Variants in MGST1 observed in about 807,000 individuals in gnomAD.
The protein encoded by MGST1 is microsomal glutathione S-transferase 1.
A neutral mutation model predicts 8.9 loss-of-function variants in MGST1; 5 were observed. The ratio of observed to expected loss-of-function variants is 0.56; its 90% confidence interval spans 0.29 to 1.19. The LOEUF is 1.19. MGST1 is among the 50% of genes most tolerant of loss of function. The probability of loss-of-function intolerance (pLI) is 0.08; values close to 1 mark genes in which losing one functional copy is unlikely to be tolerated. For synonymous variants in MGST1, 54 were observed against 67.8 expected (o/e 0.80, Z 1.00); for missense variants, 182 against 187.4 (o/e 0.97, Z 0.17).
At chr12:16,449,725 A>G (rs908989096) in intron 4 of MGST1, among the ~76,000 whole-genome samples, 3 of 151,948 alleles carry the variant, frequency 2.0e-5, no homozygotes, top group Admixed American at 6.6e-5. Flanking sequence ...GCCCCAAAAG[A>G]ACCATATAAT....
At position 16,410,745 on chromosome 12, in the gene MGST1, T is replaced by G. The variant is rs1940735830; in HGVS notation, n.779-26643T>G. Among the ~76,000 whole-genome samples the G allele has an allele frequency of 6.7e-6, 1 of 149,948 alleles. No homozygotes were observed. The highest frequency in any genetic ancestry group is 1.5e-5 in the Non-Finnish European group (1 of 67,584). On this transcript the variant is annotated intron_variant and non_coding_transcript_variant, in intron 1 of 1. Transcript: ENST00000359720. The surrounding 1 kb of genome is among the most constrained non-coding windows in gnomAD (Gnocchi z 4.4). ...TTCAAATATACTCAAATGTATATGT[T>G]TGATTATATATATATTTGATTATGT...
chr12:16,559,470 C>A lies in MGST1; in HGVS notation n.483-30058C>A, dbSNP rs1349769312. Among the ~76,000 whole-genome samples, 1 of 152,142 alleles carries A rather than the reference C, an allele frequency of 6.6e-6. No homozygotes were observed. On this transcript the variant is annotated intron_variant and non_coding_transcript_variant, in intron 4 of 4. Coordinates refer to the MGST1 transcript ENST00000538857. The surrounding 1 kb of genome is among the most constrained non-coding windows in gnomAD (Gnocchi z 4.1). ...GGAAGGTGTTTGTTTGGTTTAAGATCGCACAGCTTATTAGTGGCAGAGCCC... is the reference window on the plus strand; with the variant it reads ...GGAAGGTGTTTGTTTGGTTTAAGATAGCACAGCTTATTAGTGGCAGAGCCC...
At chr12:16,460,970 G>A (rs1214215146) in intron 4 of MGST1, among the ~76,000 whole-genome samples, 4 of 151,950 alleles carry the variant, frequency 2.6e-5, no homozygotes. Flanking sequence ...TTTTTGCAGA[G>A]TGGAAAAGGC....
At position 16,497,366 on chromosome 12, in the gene MGST1, G is replaced by A. The variant is rs1941477700; in HGVS notation, n.483-92162G>A. Among the ~76,000 whole-genome samples, 1 of 152,108 alleles carries A rather than the reference G, an allele frequency of 6.6e-6. No homozygotes were observed. Among genetic ancestry groups the A allele is most frequent in the Non-Finnish European group, 1.5e-5 (1 of 68,006 alleles). ...AATCAAGCAAAAACAAGCTAGGGAA[G>A]CAACAGCAGCAAATGGAAAAGGAGC... On this transcript the variant is annotated intron_variant and non_coding_transcript_variant, in intron 4 of 4. Coordinates refer to the MGST1 transcript ENST00000538857. The surrounding 1 kb of genome is among the most constrained non-coding windows in gnomAD (Gnocchi z 4.4).
chr12:16,374,840 T>C (rs1160227512), intron 3 of MGST1, among the ~76,000 whole-genome samples: 1 of 152,166 alleles, frequency 6.6e-6, no homozygotes, highest in Non-Finnish European at 1.5e-5. Flanking sequence ...TATACTCTTG[T>C]ATGTGTGTGA....
chr12:16,502,149 G>A (rs1046971831), intron 4 of MGST1, among the ~76,000 whole-genome samples: 3 of 152,124 alleles, frequency 2.0e-5, no homozygotes, highest in African/African-American at 4.8e-5. Context: ...AAAGACAAAT[G>A]ATGGCAAATA....
chr12:16,354,930 T>C (rs1391662094), intron 2 of MGST1, among the ~76,000 whole-genome samples: 1 of 124,470 alleles, frequency 8.0e-6, no homozygotes, highest in African/African-American at 2.8e-5. Context: ...TAAGAATGAC[T>C]TTTTTTTTTT....
chr12:16,373,816 A>G (rs1432907665), intron 3 of MGST1, among the ~76,000 whole-genome samples: 3 of 152,100 alleles, frequency 2.0e-5, no homozygotes, highest in Non-Finnish European at 4.4e-5. Flanking sequence ...TACATTCTAT[A>G]TGGCTTGGTA....
intron 4 of MGST1, among the ~76,000 whole-genome samples, chr12:16,511,055 A>G (rs1941573346): frequency 6.6e-6 from 1 of 152,222 alleles, no homozygotes; most frequent in African/African-American, 2.4e-5. Context: ...TACAAAGGCT[A>G]TGTTTGTATA....
At chr12:16,381,122 G>A (rs893769954), downstream of MGST1, among the ~76,000 whole-genome samples, 1 of 152,118 alleles carries the variant, frequency 6.6e-6, no homozygotes, top group African/African-American at 2.4e-5. Flanking sequence ...TTTAATTGGA[G>A]CATTTAGCCC....
intron 4 of MGST1, among the ~76,000 whole-genome samples, chr12:16,536,557 T>C (rs1178806317): frequency 6.6e-6 from 1 of 152,140 alleles, no homozygotes; most frequent in Non-Finnish European, 1.5e-5. Context: ...GAAATGACAA[T>C]GTATTTGTCC....
At chr12:16,535,586 T>C (rs576103931) in intron 4 of MGST1, among the ~76,000 whole-genome samples, 208 of 152,332 alleles carry the variant, frequency 1.4e-3, no homozygotes, top group African/African-American at 5.0e-3. Flanking sequence ...TTATGGTCTA[T>C]AGTGGAACCA....
intron 4 of MGST1, among the ~76,000 whole-genome samples, chr12:16,528,891 A>G (rs112125684): frequency 1.6e-4 from 24 of 152,140 alleles, no homozygotes; most frequent in African/African-American, 5.8e-4. Context: ...TTATCTGACA[A>G]CGGGCCAATT....
chr12:16,468,779 A>G (rs1408571719), intron 4 of MGST1, among the ~76,000 whole-genome samples: 2 of 152,220 alleles, frequency 1.3e-5, no homozygotes, highest in Non-Finnish European at 2.9e-5. Context: ...TTCCTATAGG[A>G]ATAGAAGCTC....
rs1405216064 is a variant in MGST1, at chr12:16,566,002, AT to A, written n.483-23525del. Among the ~76,000 whole-genome samples, 3 of 49,008 alleles carry A rather than the reference AT, an allele frequency of 6.1e-5. 1 individual carries two copies. Among genetic ancestry groups the A allele is most frequent in the Non-Finnish European group, 1.1e-4 (3 of 27,244 alleles). The allele number at this position is 49,008 out of a possible 152,430, so 32.2% of individuals were successfully genotyped here. ...ATGTGCCATATATATATATATATAT[AT>A]ATATATATATATATATATATATATA... On this transcript the variant is annotated intron_variant and non_coding_transcript_variant, in intron 4 of 4. Coordinates refer to the MGST1 transcript ENST00000538857.
rs1412946682 is a variant in MGST1, at chr12:16,588,814, T to A, written n.483-714T>A. ...CTTCATTATTAATCACTCTTAAACCTCTTCTTCAATCTTCTCCTCATGTTT... is the reference window on the plus strand; with the variant it reads ...CTTCATTATTAATCACTCTTAAACCACTTCTTCAATCTTCTCCTCATGTTT... On this transcript the variant is annotated intron_variant and non_coding_transcript_variant, in intron 4 of 4. Transcript: ENST00000538857. Among the ~76,000 whole-genome samples the A allele has an allele frequency of 2.0e-5, 3 of 152,098 alleles. No individual in the cohort carries two copies. In the East Asian group the frequency reaches 5.8e-4, roughly 29 times the overall value.
At chr12:16,419,692 G>A (rs1940817642) in intron 1 of MGST1, among the ~76,000 whole-genome samples, 1 of 152,146 alleles carries the variant, frequency 6.6e-6, no homozygotes, top group African/African-American at 2.4e-5. Flanking sequence ...TATCTTTCCA[G>A]TGATTTTAAA....
chr12:16,439,171 C>G (rs1464296236), downstream of MGST1, among the ~76,000 whole-genome samples: 2 of 150,940 alleles, frequency 1.3e-5, no homozygotes, highest in East Asian at 3.9e-4. Context: ...GCATAGAACC[C>G]TGTCACAAAA....
At position 16,384,584 on chromosome 12, in the gene MGST1, G is replaced by A. The variant is rs111627477; in HGVS notation, n.778+980G>A. Among the ~76,000 whole-genome samples the A allele has an allele frequency of 2.0e-3, 304 of 152,328 alleles. 2 individuals are homozygous for A. The highest frequency in any genetic ancestry group is 7.0e-3 in the African/African-American group (290 of 41,566). On this transcript the variant is annotated intron_variant and non_coding_transcript_variant, in intron 1 of 1. Transcript: ENST00000359720. ...GCCAACAACTTGATTTCAGGTTTCT[G>A]ACCTCCTGAACTGGGAGATAATAAA...
Sources: allele counts gnomAD v4.1 joint callset (sites outside exome capture counted in the v4.1 genomes callset), GRCh38; gene constraint gnomAD v4.1.1; non-coding constraint Gnocchi (gnomAD v3.1); transcripts MANE v1.5; gene names NCBI Gene and HGNC (gene_info 2026-07-23, HGNC 2026-07-21).